EDAR: variants seen among roughly 807,000 people sequenced by gnomAD.
EDAR encodes tumor necrosis factor receptor superfamily member EDAR.
A neutral mutation model predicts 51.3 loss-of-function variants in EDAR; 38 were observed. That is an observed-to-expected ratio of 0.74 (90% CI 0.57 to 0.97). The LOEUF (loss-of-function observed/expected upper bound fraction) is 0.97. EDAR is among the 50% of genes least tolerant of loss of function. EDAR has a pLI of 0.00. For missense variants in EDAR, 528 were observed against 595.0 expected (o/e 0.89, Z 1.17); for synonymous variants, 227 against 242.1 (o/e 0.94, Z 0.58).
intron 3 of EDAR, 71 bp from the exon 4 acceptor site, chr2:108,929,450 C>A: frequency 6.6e-7 from 1 of 1,524,688 alleles, no homozygotes. Context: ...GGCCCACAGT[C>A]CTTGGGCAGT....
chr2:108,974,352 A>G (rs1698287072), intron 1 of EDAR, among the ~76,000 whole-genome samples: 1 of 150,666 alleles, frequency 6.6e-6, no homozygotes, highest in Non-Finnish European at 1.5e-5. Context: ...AAAAAAAAAA[A>G]AAGAAATGCC....
chr2:108,945,379 C>T (rs146956311), intron 1 of EDAR, among the ~76,000 whole-genome samples: 3 of 152,232 alleles, frequency 2.0e-5, no homozygotes, highest in East Asian at 1.9e-4. Context: ...CCCCAAGCAA[C>T]GCCAAGGCAT....
In EDAR at chr2:108,906,161, A is replaced by G. The variant is rs17037091; in HGVS notation, c.1024+147T>C. The G allele has an allele frequency of 6.0e-3, 4,641 of 771,622 alleles. 151 individuals carry two copies. The African/African-American group carries it at 0.071, about 12-fold the overall frequency. The allele number at this position is 771,622 out of a possible 1,614,324, so 47.8% of individuals were successfully genotyped here. A position where few individuals can be genotyped will look rare whatever the true frequency, so the allele number is the denominator to read the frequency against. On this transcript the variant is annotated intron_variant, in intron 11 of 11. Coordinates refer to ENST00000258443, the MANE Select transcript of EDAR (RefSeq NM_022336.4). Reference sequence around the variant, plus strand: ...GATTCTGTTTCCCCACACCTGAAATAGTTTCCAGCGGCCATTCTGACCAAA... The same window carrying G: ...GATTCTGTTTCCCCACACCTGAAATGGTTTCCAGCGGCCATTCTGACCAAA...
intron 1 of EDAR, among the ~76,000 whole-genome samples, chr2:108,963,215 T>A (rs1698086811): frequency 6.6e-6 from 1 of 152,166 alleles, no homozygotes; most frequent in African/African-American, 2.4e-5. Flanking sequence ...TTACATGATG[T>A]ATTCTTATCT....
intron 5 of EDAR, among the ~76,000 whole-genome samples, chr2:108,914,887 G>T (rs879366010): frequency 6.6e-6 from 1 of 152,118 alleles, no homozygotes; most frequent in Non-Finnish European, 1.5e-5. Context: ...CAAGGCTTCC[G>T]GGAGAAGCAA....
Position 108,912,721 on chromosome 2 carries a change from G to C in EDAR, c.486C>G (p.Thr162=), listed in dbSNP as rs755598598. 1.2e-6 allele frequency: 2 copies of C among 1,603,212 alleles called. No individual in the cohort carries two copies. Among genetic ancestry groups the C allele is most frequent in the South Asian group, 2.3e-5 (2 of 88,194 alleles). The part of the protein sequence containing the change: ...TSGASANFPG[T]SGSSTLSPFQ... ...AGGGAGACAGGGTGCTGCTGCCCGA[G>C]GTGCCAGGGAAGTTGGCAGAAGCTC... Residue 162 remains threonine, a synonymous_variant, in exon 6 of 12, where the codon ACC becomes ACG. Coordinates refer to ENST00000258443, the MANE Select transcript of EDAR (RefSeq NM_022336.4).
intron 4 of EDAR, among the ~76,000 whole-genome samples, chr2:108,924,235 T>C (rs1244009089): frequency 6.6e-6 from 1 of 152,264 alleles, no homozygotes; most frequent in Non-Finnish European, 1.5e-5. Context: ...CCCGTGGCTA[T>C]ATGACTGCTC....
chr2:108,986,237 T>C (rs1327833222), intron 1 of EDAR, among the ~76,000 whole-genome samples: 2 of 152,136 alleles, frequency 1.3e-5, no homozygotes, highest in African/African-American at 2.4e-5. Flanking sequence ...TTTTTCACTA[T>C]ATAAAAACTA....
rs11306434 is a variant in EDAR at position 108,907,649 on chromosome 2, CA to C, written c.963+210del. Among the ~76,000 whole-genome samples the C allele has an allele frequency of 0.9, 129,644 of 144,096 alleles. 58,207 individuals are homozygous for C. The highest frequency in any genetic ancestry group is 0.97 in the East Asian group (4,813 of 4,942). 94.5% of individuals were successfully genotyped at this position (144,096 alleles called of 152,430 possible). A position where few individuals can be genotyped will look rare whatever the true frequency, so the allele number is the denominator to read the frequency against. The stretch of plus-strand genomic sequence containing the variant: ...GGTGACAGAGCAAGACTCTCATCTC[CA>C]AAAAAAAAAAACAAAACTCAAAAAC... On this transcript the variant is annotated intron_variant, in intron 10 of 11. Transcript: ENST00000258443.
At chr2:108,980,980 G>A (rs1034875520) in intron 1 of EDAR, among the ~76,000 whole-genome samples, 5 of 55,966 alleles carry the variant, frequency 8.9e-5, no homozygotes, top group East Asian at 2.0e-4. Context: ...GGACTAGACC[G>A]TGGGAATGAC....
At chr2:108,929,460 T>A in intron 3 of EDAR, 81 bp from the exon 4 acceptor site, 1 of 1,451,532 alleles carries the variant, frequency 6.9e-7, no homozygotes. Context: ...CCTTGGGCAG[T>A]GACGTGCCAG....
In EDAR at chr2:108,896,719, C is replaced by G. The variant is rs768401042; in HGVS notation, c.*188G>C. 1.2e-4 allele frequency: 74 copies of G among 621,336 alleles called. No homozygotes were observed. Among genetic ancestry groups the G allele is most frequent in the Non-Finnish European group, 1.9e-4 (69 of 356,968 alleles). 38.5% of individuals were successfully genotyped at this position (621,336 alleles called of 1,614,324 possible). On this transcript the variant is annotated 3_prime_UTR_variant, in exon 12 of 12. Coordinates refer to ENST00000258443, the MANE Select transcript of EDAR (RefSeq NM_022336.4). ...GCGAGCATCTGAAAGTATCCCGGCT[C>G]TAGTCCTTTATCTTTGGTTAAATTG...
intron 1 of EDAR, among the ~76,000 whole-genome samples, chr2:108,979,684 T>C (rs1698389467): frequency 6.6e-6 from 1 of 152,086 alleles, no homozygotes; most frequent in South Asian, 2.1e-4. Flanking sequence ...AGGATGCAGA[T>C]GGCAGGAACT....
At chr2:108,944,171 T>A (rs1042188032) in intron 1 of EDAR, among the ~76,000 whole-genome samples, 3 of 152,232 alleles carry the variant, frequency 2.0e-5, no homozygotes, top group African/African-American at 7.2e-5. Flanking sequence ...TGGAGTGCAG[T>A]GGCACGATCT....
At chr2:108,912,018 C>T (rs893143338) in intron 6 of EDAR, among the ~76,000 whole-genome samples, 15 of 152,258 alleles carry the variant, frequency 9.9e-5, no homozygotes, top group Non-Finnish European at 1.9e-4. Flanking sequence ...TATATCCTCG[C>T]CCAGCAGTCC....
intron 1 of EDAR, among the ~76,000 whole-genome samples, chr2:108,974,368 T>C (rs1352258389): frequency 6.7e-6 from 1 of 149,012 alleles, no homozygotes. Flanking sequence ...ATGCCACATA[T>C]TGACTGTGTA....
At chr2:108,972,800 G>A (rs1313462401) in intron 1 of EDAR, among the ~76,000 whole-genome samples, 3 of 152,166 alleles carry the variant, frequency 2.0e-5, no homozygotes, top group African/African-American at 7.2e-5. Context: ...GGGGCCTCCG[G>A]CAGGGGCGTT....
At chr2:108,970,792 C>T (rs1257318004) in intron 1 of EDAR, among the ~76,000 whole-genome samples, 5 of 152,158 alleles carry the variant, frequency 3.3e-5, no homozygotes, top group African/African-American at 7.2e-5. Context: ...AAGATAAGTT[C>T]GGAAAATACA....
chr2:108,953,934 A>G (rs1415023603), intron 1 of EDAR, among the ~76,000 whole-genome samples: 2 of 152,228 alleles, frequency 1.3e-5, no homozygotes, highest in Non-Finnish European at 2.9e-5. Context: ...TCTACATATT[A>G]TAAGTGAGAC....
Sources: allele counts gnomAD v4.1 joint callset (sites outside exome capture counted in the v4.1 genomes callset), GRCh38; gene constraint gnomAD v4.1.1; transcripts MANE v1.5; gene names NCBI Gene and HGNC (gene_info 2026-07-23, HGNC 2026-07-21).